The following BAIAP2L1 variants were observed in gnomAD, a reference collection of about 807,000 sequenced individuals.
BAIAP2L1 encodes the protein BAR/IMD domain-containing adapter protein 2-like 1.
In BAIAP2L1, 35 loss-of-function variants were observed where a neutral mutation model predicts 66.3. The ratio of observed to expected loss-of-function variants is 0.53; its 90% CI spans 0.40 to 0.70. BAIAP2L1 has a LOEUF of 0.70. Ranked by LOEUF, BAIAP2L1 falls within the 30% of genes least tolerant of loss-of-function variation. BAIAP2L1 has a pLI of 0.00. For missense variants in BAIAP2L1, 622 were observed against 656.9 expected, an observed-to-expected ratio of 0.95 and a Z score of 0.58; for synonymous variants, 269 against 248.7, an observed-to-expected ratio of 1.08 and a Z score of -0.77.
chr7:98,376,402 C>T (rs1029515771), intron 1 of BAIAP2L1, among the ~76,000 whole-genome samples: 6 of 151,960 alleles, frequency 3.9e-5, no homozygotes, highest in Non-Finnish European at 8.8e-5. Flanking sequence ...GTCCCAGCTA[C>T]TTAGAGGCTG....
chr7:98,297,739 C>T (rs2116800253), intron 12 of BAIAP2L1, among the ~76,000 whole-genome samples: 1 of 152,326 alleles, frequency 6.6e-6, no homozygotes. Context: ...AGCCGAGGCA[C>T]CCATGTTGTG....
Position 98,397,930 on chromosome 7 carries a change from C to T in BAIAP2L1, c.51+2872G>A, listed in dbSNP as rs191236688. Among the ~76,000 whole-genome samples the T allele has an allele frequency of 4.6e-5, 7 of 152,198 alleles. No homozygotes were observed. In the East Asian group the frequency reaches 1.4e-3, roughly 29 times the overall value. On this transcript the variant is annotated intron_variant, in intron 1 of 13. Transcript: ENST00000005260. ...GCATGGATCTCCCATAATCATTTGC[C>T]TACGTATACATTTTAGACATTTCAG... is the stretch of plus-strand genomic sequence containing the variant.
Position 98,317,252 on chromosome 7 carries a change from T to G in BAIAP2L1, c.453A>C (p.Arg151=). The stretch of plus-strand genomic sequence containing the variant: ...CTTTGTGTTCATATTTGAGTGCGTT[T>G]CGGCTTCCTTGGCTTTTCCTTCTGA... ...KKIRRKSQGS[R]NALKYEHKEI... is the part of the protein sequence containing the mutation. The change falls in exon 6 of 14, where the codon CGA becomes CGC. Residue 151 remains arginine (R), a synonymous_variant. Transcript: ENST00000005260. 6.2e-7 allele frequency: 1 copy of G among 1,614,278 alleles called. No individual in the cohort carries two copies. Among genetic ancestry groups the G allele is most frequent in the Non-Finnish European group, 8.5e-7 (1 of 1,180,050 alleles).
intron 1 of BAIAP2L1, among the ~76,000 whole-genome samples, chr7:98,399,605 G>A (rs1188452087): frequency 6.6e-6 from 1 of 152,136 alleles, no homozygotes; most frequent in Non-Finnish European, 1.5e-5. Context: ...CTTAGAGAAC[G>A]TTAAAGTTTC....
chr7:98,362,227 T>C (rs1247165383), intron 2 of BAIAP2L1, 130 bp downstream of exon 2: 23 of 683,952 alleles, frequency 3.4e-5, no homozygotes, highest in Non-Finnish European at 5.4e-5. Context: ...CAAAGTTCTG[T>C]AGATTAAATT....
chr7:98,335,734 T>TC (rs1488849975), intron 3 of BAIAP2L1, among the ~76,000 whole-genome samples: 1 of 152,136 alleles, frequency 6.6e-6, no homozygotes, highest in African/African-American at 2.4e-5. Flanking sequence ...TGCTGCCAGC[T>TC]CCCCCGCTGG....
chr7:98,356,663 A>AT (rs200264523), intron 2 of BAIAP2L1, among the ~76,000 whole-genome samples: 1 of 49,504 alleles, frequency 2.0e-5, no homozygotes, highest in Non-Finnish European at 4.9e-5. Context: ...TTCCTGGCTA[A>AT]TTAAAAAAAA....
chr7:98,321,952 T>C (rs769874427), intron 3 of BAIAP2L1, among the ~76,000 whole-genome samples: 10 of 151,942 alleles, frequency 6.6e-5, no homozygotes, highest in Non-Finnish European at 1.3e-4. Flanking sequence ...AAAAATTAGC[T>C]GGGCATGATG....
At chr7:98,319,387 C>T (rs1006752432) in intron 5 of BAIAP2L1, among the ~76,000 whole-genome samples, 1 of 152,178 alleles carries the variant, frequency 6.6e-6, no homozygotes, top group Non-Finnish European at 1.5e-5. Flanking sequence ...ACGGTGCTCT[C>T]CCGCACACCA....
At chr7:98,319,918 C>G in intron 5 of BAIAP2L1, 140 bp downstream of exon 5, 2 of 731,254 alleles carry the variant, frequency 2.7e-6, no homozygotes, top group East Asian at 5.0e-5. Context: ...GAGAGCTTGT[C>G]GGTTTCATGC....
At chr7:98,366,443 G>A (rs1802391458) in intron 1 of BAIAP2L1, among the ~76,000 whole-genome samples, 1 of 152,082 alleles carries the variant, frequency 6.6e-6, no homozygotes, top group Non-Finnish European at 1.5e-5. Context: ...GGGCCCCTGG[G>A]GTGAATGGCT....
chr7:98,340,958 G>GTTT (rs1562776656), intron 3 of BAIAP2L1, among the ~76,000 whole-genome samples: 2 of 59,734 alleles, frequency 3.3e-5, no homozygotes, highest in African/African-American at 1.4e-4. Context: ...CCAGCTAATT[G>GTTT]GTTTTTTTTT....
intron 13 of BAIAP2L1, 121 bp downstream of exon 13, chr7:98,293,953 C>T: frequency 8.4e-7 from 1 of 1,184,612 alleles, no homozygotes. Context: ...CCCCATGGCT[C>T]CACAGGCCGA....
chr7:98,368,872 G>C (rs896670775), intron 1 of BAIAP2L1, among the ~76,000 whole-genome samples: 1 of 149,324 alleles, frequency 6.7e-6, no homozygotes, highest in African/African-American at 2.5e-5. Context: ...CCACATACTT[G>C]TTGAAGACCT....
rs1192838464 is a variant in BAIAP2L1, at chr7:98,400,871, A to G, written c.-19T>C. 1.3e-6 allele frequency: 2 copies of G among 1,536,010 alleles called. No individual in the cohort carries two copies. Among genetic ancestry groups the G allele is most frequent in the Non-Finnish European group, 8.8e-7 (1 of 1,140,518 alleles). The stretch of plus-strand genomic sequence containing the variant: ...GGGACATGGCTGCGGCCGCCGGGCG[A>G]GCAAGCGCGGGAGGACGCGGCTGGG... On this transcript the variant is annotated 5_prime_UTR_variant, in exon 1 of 14. Coordinates refer to ENST00000005260, the MANE Select transcript of BAIAP2L1 (RefSeq NM_018842.5).
chr7:98,389,723 C>T (rs1802981416), intron 1 of BAIAP2L1, among the ~76,000 whole-genome samples: 1 of 152,062 alleles, frequency 6.6e-6, no homozygotes, highest in African/African-American at 2.4e-5. Context: ...AAGATACAGC[C>T]ATGCTTTTAA....
At chr7:98,328,863 G>A (rs911446175) in intron 3 of BAIAP2L1, among the ~76,000 whole-genome samples, 17 of 152,058 alleles carry the variant, frequency 1.1e-4, no homozygotes, top group African/African-American at 2.4e-4. Context: ...CACTCAGCTC[G>A]ACACTTCTGT....
chr7:98,328,180 G>A (rs983395196), intron 3 of BAIAP2L1, among the ~76,000 whole-genome samples: 30 of 152,202 alleles, frequency 2.0e-4, no homozygotes, highest in African/African-American at 7.2e-4. Context: ...AAGATCTTTA[G>A]GAAGAAGAGC....
intron 9 of BAIAP2L1, chr7:98,308,668 AT>A (rs749745977): frequency 0.013 from 3,034 of 230,976 alleles, 37 homozygotes; most frequent in Non-Finnish European, 0.021. Context: ...GTAGAAAAAA[AT>A]ATATATATAT....
Sources: allele counts gnomAD v4.1 joint callset (sites outside exome capture counted in the v4.1 genomes callset), GRCh38; gene constraint gnomAD v4.1.1; transcripts MANE v1.5; gene names NCBI Gene and HGNC (gene_info 2026-07-23, HGNC 2026-07-21).